The following RAD51B variants were observed in gnomAD, a reference collection of about 807,000 sequenced individuals.
The protein encoded by RAD51B is RAD51 paralog B, also known as DNA repair protein RAD51 homolog 2.
A neutral mutation model predicts 42.2 loss-of-function variants in RAD51B; 38 were observed. The observed-to-expected ratio is 0.90, with a 90% CI of 0.70 to 1.18. RAD51B has a LOEUF of 1.18. Among genes scored for constraint, RAD51B ranks in the 50% most tolerant of loss-of-function variants. The pLI is 0.00. For missense variants in RAD51B, 373 were observed against 400.7 expected (o/e 0.93, Z 0.59); for synonymous variants, 154 against 145.2 (o/e 1.06, Z -0.43).
At position 67,899,044 on chromosome 14, in the gene RAD51B, CT is replaced by C. The variant is rs1021979417; in HGVS notation, c.756+11848del. On this transcript the variant is annotated intron_variant, in intron 7 of 10. Transcript: ENST00000471583. ...TTTTACATCTCTATTAATTTAGATTCTTTTTTTTCTTTTTTTGAGTCAGAGT... is the reference window on the plus strand; with the variant it reads ...TTTTACATCTCTATTAATTTAGATTCTTTTTTTCTTTTTTTGAGTCAGAGT... Among the ~76,000 whole-genome samples the C allele has an allele frequency of 8.1e-4, 122 of 151,458 alleles. 1 individual carries two copies. The highest frequency in any genetic ancestry group is 2.9e-3 in the African/African-American group (121 of 41,298).
At chr14:68,022,952 T>C (rs2075891104) in intron 7 of RAD51B, among the ~76,000 whole-genome samples, 1 of 152,212 alleles carries the variant, frequency 6.6e-6, no homozygotes, top group African/African-American at 2.4e-5. Context: ...GGTCTCTAGC[T>C]CCATCCATGT....
intron 8 of RAD51B, among the ~76,000 whole-genome samples, chr14:68,396,065 C>T (rs2083911386): frequency 6.6e-6 from 1 of 152,156 alleles, no homozygotes; most frequent in South Asian, 2.1e-4. Context: ...CTGTGGCTGC[C>T]TGTCAGGATC....
At chr14:68,412,432 T>G (rs1397891254) in intron 9 of RAD51B, among the ~76,000 whole-genome samples, 1 of 152,218 alleles carries the variant, frequency 6.6e-6, no homozygotes, top group Non-Finnish European at 1.5e-5. Flanking sequence ...AATGTCACAC[T>G]GGTGATCCTT....
At chr14:68,644,227 A>G (rs1347987578) in intron 10 of RAD51B, among the ~76,000 whole-genome samples, 2 of 152,216 alleles carry the variant, frequency 1.3e-5, no homozygotes, top group Non-Finnish European at 2.9e-5. Flanking sequence ...AATTCATACA[A>G]TGAGCTCAGA....
intron 7 of RAD51B, among the ~76,000 whole-genome samples, chr14:68,261,488 G>A (rs898571965): frequency 1.3e-5 from 2 of 152,170 alleles, no homozygotes; most frequent in Admixed American, 1.3e-4. Flanking sequence ...GTTCAACTGT[G>A]CACTCTCTCT....
intron 7 of RAD51B, among the ~76,000 whole-genome samples, chr14:68,018,904 G>A (rs2075819889): frequency 6.6e-6 from 1 of 152,062 alleles, no homozygotes; most frequent in African/African-American, 2.4e-5. Flanking sequence ...TGAAAACTTG[G>A]GTAATTATTC....
intron 7 of RAD51B, among the ~76,000 whole-genome samples, chr14:67,971,534 A>G (rs951583281): frequency 1.3e-5 from 2 of 152,072 alleles, no homozygotes; most frequent in East Asian, 3.8e-4. Flanking sequence ...TTAGAAGTAA[A>G]TTACTATTAA....
At chr14:68,216,758 A>G (rs1785780267) in intron 7 of RAD51B, among the ~76,000 whole-genome samples, 1 of 152,150 alleles carries the variant, frequency 6.6e-6, no homozygotes, top group African/African-American at 2.4e-5. Flanking sequence ...CTCCATCAGC[A>G]GGGATTAGGA....
At chr14:68,535,098 T>C (rs1239769214) in intron 10 of RAD51B, among the ~76,000 whole-genome samples, 2 of 152,182 alleles carry the variant, frequency 1.3e-5, no homozygotes, top group Non-Finnish European at 2.9e-5. Flanking sequence ...CTGGAGCCTC[T>C]GTATTCTTAA....
At chr14:68,331,366 T>TAAA (rs1477806707) in intron 8 of RAD51B, among the ~76,000 whole-genome samples, 2 of 14,150 alleles carry the variant, frequency 1.4e-4, no homozygotes, top group Non-Finnish European at 2.2e-4. Flanking sequence ...AGACTCTGTC[T>TAAA]CAAAAAAAAA....
intron 10 of RAD51B, among the ~76,000 whole-genome samples, chr14:68,583,723 C>T (rs541143649): frequency 4.6e-4 from 70 of 152,282 alleles, no homozygotes; most frequent in African/African-American, 1.7e-3. Flanking sequence ...CTGGTCACCA[C>T]CCGAGGCCTA....
intron 7 of RAD51B, among the ~76,000 whole-genome samples, chr14:68,246,659 A>T (rs1229838510): frequency 1.3e-5 from 2 of 152,204 alleles, no homozygotes; most frequent in African/African-American, 4.8e-5. Context: ...TCACGTTCAC[A>T]TCATGAAAAC....
Position 68,080,645 on chromosome 14 carries a change from C to T in RAD51B, c.756+193441C>T, listed in dbSNP as rs149038282. On this transcript the variant is annotated intron_variant, in intron 7 of 10. Coordinates refer to ENST00000471583, the MANE Select transcript of RAD51B (RefSeq NM_133510.4). ...TTTAACCTAGTTGAGCAGTTATGAACCAATGCCATGATGAACAGTTGGGTT... is the reference window on the plus strand; with the variant it reads ...TTTAACCTAGTTGAGCAGTTATGAATCAATGCCATGATGAACAGTTGGGTT... Among the ~76,000 whole-genome samples, 550 of 152,264 alleles carry T rather than the reference C, an allele frequency of 3.6e-3. 4 individuals are homozygous for T. The highest frequency in any genetic ancestry group is 0.013 in the African/African-American group (526 of 41,550).
intron 9 of RAD51B, among the ~76,000 whole-genome samples, chr14:68,420,052 AATAACCCTTCAGC>A (rs1260249647): frequency 9.2e-5 from 14 of 152,202 alleles, no homozygotes; most frequent in African/African-American, 3.1e-4. Context: ...CAATTCCTCC[AATAACCCTTCAGC>A]ATAGATCTGA....
At chr14:68,199,879 C>T (rs2079448337) in intron 7 of RAD51B, among the ~76,000 whole-genome samples, 1 of 152,198 alleles carries the variant, frequency 6.6e-6, no homozygotes, top group Non-Finnish European at 1.5e-5. Flanking sequence ...GCAGGTTTGG[C>T]CCATTGTCTC....
rs72727488 is a variant in RAD51B, at chr14:68,501,177, C to A, written c.1036+32927C>A. Among the ~76,000 whole-genome samples the A allele has an allele frequency of 2.3e-3, 345 of 152,304 alleles. 2 individuals carry two copies. The highest frequency in any genetic ancestry group is 4.2e-3 in the Non-Finnish European group (286 of 68,024). On this transcript the variant is annotated intron_variant, in intron 10 of 10. Transcript: ENST00000487270. ...ACAGGCCTGCAGATTTCCTCCCATG[C>A]AGACCTCAGTGCAAGATAAAGTCAG...
At chr14:67,928,495 G>A (rs561968653) in intron 7 of RAD51B, among the ~76,000 whole-genome samples, 1 of 152,106 alleles carries the variant, frequency 6.6e-6, no homozygotes, top group African/African-American at 2.4e-5. Flanking sequence ...GGTTTTACCA[G>A]ATGTGTCATT....
intron 7 of RAD51B, among the ~76,000 whole-genome samples, chr14:67,931,500 CTTT>C (rs539507230): frequency 1.7e-5 from 2 of 117,548 alleles, no homozygotes; most frequent in Non-Finnish European, 3.6e-5. Flanking sequence ...TCTGGGATTT[CTTT>C]TTTTTTTTTT....
intron 7 of RAD51B, among the ~76,000 whole-genome samples, chr14:68,214,402 T>C (rs528447860): frequency 1.3e-5 from 2 of 152,272 alleles, no homozygotes; most frequent in East Asian, 3.9e-4. Flanking sequence ...AGCACTCTTA[T>C]CTCTGAAATG....
Sources: allele counts gnomAD v4.1 joint callset (sites outside exome capture counted in the v4.1 genomes callset), GRCh38; gene constraint gnomAD v4.1.1; transcripts MANE v1.5; gene names NCBI Gene and HGNC (gene_info 2026-07-23, HGNC 2026-07-21).